SPON1: variants seen among roughly 807,000 people sequenced by gnomAD.
SPON1 encodes spondin-1.
Under a neutral mutation model 111.7 loss-of-function variants are expected in SPON1, and 52 were observed. The observed-to-expected ratio is 0.47, with a 90% confidence interval of 0.37 to 0.59. The LOEUF is 0.59. Ranked by LOEUF, SPON1 falls within the 20% of genes least tolerant of loss-of-function variation. SPON1 has a pLI of 0.00. For synonymous variants in SPON1, 410 were observed against 395.8 expected, an observed-to-expected ratio of 1.04 and a Z score of -0.43; for missense variants, 957 against 1,068.5, an observed-to-expected ratio of 0.90 and a Z score of 1.46.
intron 6 of SPON1, among the ~76,000 whole-genome samples, chr11:14,182,060 G>T (rs542237546): frequency 6.6e-6 from 1 of 152,294 alleles, no homozygotes; most frequent in South Asian, 2.1e-4. Context: ...TTGGTAACTT[G>T]TAATTGGCTT....
chr11:14,205,265 T>TTA (rs1235085157), intron 6 of SPON1, among the ~76,000 whole-genome samples: 2 of 152,254 alleles, frequency 1.3e-5, no homozygotes, highest in Non-Finnish European at 2.9e-5. Flanking sequence ...ATCGTATTAT[T>TTA]ACATGTGTCT....
intron 6 of SPON1, among the ~76,000 whole-genome samples, chr11:14,178,076 G>A (rs927818399): frequency 1.7e-4 from 13 of 75,628 alleles, no homozygotes; most frequent in Non-Finnish European, 3.7e-4. Context: ...ACACACACAC[G>A]CTTTGGTCTC....
chr11:14,196,292 T>C (rs1848400822), intron 6 of SPON1, among the ~76,000 whole-genome samples: 1 of 152,120 alleles, frequency 6.6e-6, no homozygotes, highest in African/African-American at 2.4e-5. Flanking sequence ...GAAAGTAGAT[T>C]AGTGGTTGCC....
rs1339885265 is a variant in SPON1 at position 14,137,713 on chromosome 11, G to A, written c.825+2145G>A. On this transcript the variant is annotated intron_variant, in intron 6 of 15. Transcript: ENST00000576479. ...TTGAGAATCTCAAGATGGCAGTACC[G>A]TGAATTTCATAGCATGGGGTCCTGT... 2.6e-5 allele frequency among the ~76,000 whole-genome samples: 4 copies of A among 152,130 alleles called. No individual in the cohort carries two copies. The East Asian group carries it at 5.8e-4, about 22-fold the overall frequency.
chr11:14,042,853 A>G (rs1282507357), intron 3 of SPON1, among the ~76,000 whole-genome samples: 2 of 152,166 alleles, frequency 1.3e-5, no homozygotes, highest in African/African-American at 4.8e-5. Flanking sequence ...GAATCTCTGA[A>G]GCATCTGTCC....
intron 2 of SPON1, among the ~76,000 whole-genome samples, chr11:14,010,287 C>A (rs999468541): frequency 6.6e-6 from 1 of 151,924 alleles, no homozygotes; most frequent in African/African-American, 2.4e-5. Flanking sequence ...GTTGGCAACC[C>A]TGTAGTAGAT....
Position 14,013,942 on chromosome 11 carries a change from C to T in SPON1, c.346-27579C>T, listed in dbSNP as rs369297492. 2.4e-4 allele frequency among the ~76,000 whole-genome samples: 37 copies of T among 152,296 alleles called. 1 individual carries two copies. The East Asian group carries it at 6.6e-3, about 27-fold the overall frequency. On this transcript the variant is annotated intron_variant, in intron 2 of 15. Transcript: ENST00000576479. ...GTTTTGTAGCGGGGAAAAAGAAAGT[C>T]AAAGCCTGTTTCCATTATCGTGGAT... is the stretch of plus-strand genomic sequence containing the variant.
At chr11:14,166,954 A>G (rs1848037193) in intron 6 of SPON1, among the ~76,000 whole-genome samples, 1 of 152,134 alleles carries the variant, frequency 6.6e-6, no homozygotes, top group Non-Finnish European at 1.5e-5. Context: ...TCTGTAGATG[A>G]CAAAAATATT....
At chr11:14,107,612 TGAAAG>T (rs1849195545) in intron 5 of SPON1, among the ~76,000 whole-genome samples, 4 of 115,666 alleles carry the variant, frequency 3.5e-5, no homozygotes, top group African/African-American at 1.3e-4. Flanking sequence ...AAAAAAAAAA[TGAAAG>T]AGGGCTAGCT....
Position 14,234,245 on chromosome 11 carries a change from T to C in SPON1, c.826-9087T>C, listed in dbSNP as rs374402920. Among the ~76,000 whole-genome samples, 21 of 152,308 alleles carry C rather than the reference T, an allele frequency of 1.4e-4. No homozygotes were observed. In the South Asian group the frequency reaches 1.9e-3, roughly 14 times the overall value. On this transcript the variant is annotated intron_variant, in intron 6 of 15. Coordinates refer to ENST00000576479, the MANE Select transcript of SPON1 (RefSeq NM_006108.4). Reference sequence around the variant, plus strand: ...CCCTTGCTTGATGTTCTCTCCTGTTTGGATTTGGCATCACCTACGTGATGT... The same window carrying C: ...CCCTTGCTTGATGTTCTCTCCTGTTCGGATTTGGCATCACCTACGTGATGT...
At chr11:14,026,334 A>G (rs1453370955) in intron 2 of SPON1, among the ~76,000 whole-genome samples, 2 of 152,242 alleles carry the variant, frequency 1.3e-5, no homozygotes, top group Admixed American at 6.5e-5. Flanking sequence ...TTGATGAGAG[A>G]TTCTTATTGT....
At chr11:14,115,613 A>G (rs1231949793) in intron 5 of SPON1, among the ~76,000 whole-genome samples, 1 of 152,160 alleles carries the variant, frequency 6.6e-6, no homozygotes, top group Non-Finnish European at 1.5e-5. Context: ...GTTCTTTCTC[A>G]TAGCTGTATA....
At chr11:14,166,539 A>C (rs1364263251) in intron 6 of SPON1, among the ~76,000 whole-genome samples, 5 of 152,168 alleles carry the variant, frequency 3.3e-5, no homozygotes, top group Admixed American at 1.3e-4. Context: ...TGAGTCCTGC[A>C]CTTAAGAGTC....
chr11:14,051,156 G>A (rs189440854), intron 3 of SPON1, among the ~76,000 whole-genome samples: 56 of 152,254 alleles, frequency 3.7e-4, no homozygotes, highest in African/African-American at 1.3e-3. Context: ...AATCCCCATC[G>A]TGATGGTATT....
At chr11:14,230,701 C>A (rs571444403) in intron 6 of SPON1, among the ~76,000 whole-genome samples, 1 of 152,346 alleles carries the variant, frequency 6.6e-6, no homozygotes, top group Non-Finnish European at 1.5e-5. Flanking sequence ...GTTGAGAAAA[C>A]CCTGGGAAAC....
At chr11:14,221,966 A>G (rs1455029650) in intron 6 of SPON1, among the ~76,000 whole-genome samples, 1 of 152,178 alleles carries the variant, frequency 6.6e-6, no homozygotes, top group Non-Finnish European at 1.5e-5. Context: ...TCACTGTCTT[A>G]TCCAACCCAA....
intron 5 of SPON1, among the ~76,000 whole-genome samples, chr11:14,095,604 C>G (rs1849094553): frequency 6.6e-6 from 1 of 152,098 alleles, no homozygotes; most frequent in African/African-American, 2.4e-5. Context: ...TGGTGTAAAT[C>G]CCAGCCCCAG....
At chr11:14,238,875 A>G (rs1848894363) in intron 6 of SPON1, among the ~76,000 whole-genome samples, 1 of 152,238 alleles carries the variant, frequency 6.6e-6, no homozygotes, top group African/African-American at 2.4e-5. Context: ...CATCATCCAA[A>G]TGAACCATGA....
intron 6 of SPON1, among the ~76,000 whole-genome samples, chr11:14,234,463 A>G (rs1190072661): frequency 3.9e-5 from 6 of 152,204 alleles, no homozygotes. Context: ...GATTTTACTC[A>G]GGGGAGCAGC....
Sources: gnomAD v4.1 joint callset for allele counts (sites outside exome capture counted in the v4.1 genomes callset) on GRCh38, gnomAD v4.1.1 for gene constraint, MANE v1.5 for transcripts, NCBI Gene and HGNC (gene_info 2026-07-23, HGNC 2026-07-21) for gene names.